The following CSMD1 variants were observed in gnomAD, a reference collection of about 807,000 sequenced individuals.
CSMD1 encodes CUB and Sushi multiple domains 1.
In CSMD1, 213 loss-of-function variants were observed where a neutral mutation model predicts 417.5. The ratio of observed to expected loss-of-function variants is 0.51; its 90% CI spans 0.46 to 0.57. The LOEUF (loss-of-function observed/expected upper bound fraction) is 0.57, where lower values mean the gene tolerates loss of function less well. Among genes scored for constraint, CSMD1 ranks in the 20% least tolerant of loss-of-function variants. CSMD1 has a pLI of 0.00. For missense variants in CSMD1, 6,923 were observed against 4,529.7 expected (o/e 1.53, Z -15.17); for synonymous variants, 2,862 against 1,736.8 (o/e 1.65, Z -16.11).
intron 5 of CSMD1, among the ~76,000 whole-genome samples, chr8:3,972,572 G>A (rs1255227693): frequency 1.3e-5 from 2 of 152,140 alleles, no homozygotes; most frequent in Admixed American, 6.5e-5. Context: ...GGCCTCTTAT[G>A]CTATTCATCT....
At chr8:4,820,727 A>G (rs1799475820) in intron 1 of CSMD1, among the ~76,000 whole-genome samples, 1 of 152,164 alleles carries the variant, frequency 6.6e-6, no homozygotes, top group African/African-American at 2.4e-5. Context: ...ACTAATAAGG[A>G]TCTAACTTTG....
At chr8:4,107,903 T>C (rs1801649447) in intron 3 of CSMD1, among the ~76,000 whole-genome samples, 1 of 152,078 alleles carries the variant, frequency 6.6e-6, no homozygotes, top group African/African-American at 2.4e-5. Flanking sequence ...AAATACAAAC[T>C]GAAACAAATA....
intron 6 of CSMD1, among the ~76,000 whole-genome samples, chr8:3,743,007 C>T (rs931354827): frequency 1.3e-5 from 2 of 152,206 alleles, no homozygotes; most frequent in Admixed American, 6.5e-5. Flanking sequence ...CCACGCCACC[C>T]TTGGAACATA....
At chr8:4,250,817 G>C (rs1325800302) in intron 3 of CSMD1, among the ~76,000 whole-genome samples, 1 of 152,132 alleles carries the variant, frequency 6.6e-6, no homozygotes, top group African/African-American at 2.4e-5. Flanking sequence ...TAATTGTACT[G>C]GTTGAAATGT....
intron 3 of CSMD1, among the ~76,000 whole-genome samples, chr8:4,246,854 C>T (rs1802744889): frequency 6.6e-6 from 1 of 152,130 alleles, no homozygotes; most frequent in Non-Finnish European, 1.5e-5. Flanking sequence ...GAGCTGAACA[C>T]TCAAATAATC....
At chr8:4,882,622 AT>A (rs1803486607) in intron 1 of CSMD1, among the ~76,000 whole-genome samples, 1 of 151,904 alleles carries the variant, frequency 6.6e-6, no homozygotes, top group Non-Finnish European at 1.5e-5. Flanking sequence ...GTATTCAACT[AT>A]CCACCGGGTT....
intron 2 of CSMD1, among the ~76,000 whole-genome samples, chr8:4,532,018 A>C (rs1796843640): frequency 6.7e-6 from 1 of 149,244 alleles, no homozygotes; most frequent in South Asian, 2.2e-4. Context: ...GTCACTCCGG[A>C]AGAGAAATCC....
At chr8:4,058,955 A>G (rs1181286945) in intron 3 of CSMD1, among the ~76,000 whole-genome samples, 1 of 152,050 alleles carries the variant, frequency 6.6e-6, no homozygotes, top group African/African-American at 2.4e-5. Flanking sequence ...ACAGACATCT[A>G]CAGAACTCTC....
intron 5 of CSMD1, among the ~76,000 whole-genome samples, chr8:3,913,372 CA>C (rs1327116834): frequency 1.2e-4 from 18 of 152,004 alleles, no homozygotes; most frequent in Admixed American, 7.2e-4. Context: ...GCAACAAGCA[CA>C]AAGGGAAATG....
At chr8:4,908,240 C>T (rs1168604140) in intron 1 of CSMD1, among the ~76,000 whole-genome samples, 1 of 152,160 alleles carries the variant, frequency 6.6e-6, no homozygotes, top group Non-Finnish European at 1.5e-5. Context: ...TTTATACTTG[C>T]TATTCTGTAG....
intron 1 of CSMD1, among the ~76,000 whole-genome samples, chr8:4,879,686 G>T (rs961257136): frequency 2.0e-5 from 3 of 151,850 alleles, no homozygotes; most frequent in African/African-American, 7.3e-5. Flanking sequence ...AGGAGAATCG[G>T]GAGAGGTGGA....
At chr8:3,787,963 A>G (rs984753174) in intron 5 of CSMD1, among the ~76,000 whole-genome samples, 4 of 152,184 alleles carry the variant, frequency 2.6e-5, no homozygotes, top group Non-Finnish European at 2.9e-5. Flanking sequence ...ATGGGCTCCT[A>G]ATGCTCTTGA....
At chr8:4,121,216 G>C (rs149759909) in intron 3 of CSMD1, among the ~76,000 whole-genome samples, 1 of 152,134 alleles carries the variant, frequency 6.6e-6, no homozygotes. Context: ...TCGGGTTCAA[G>C]CAATTCTCCT....
chr8:3,865,958 A>G (rs527575105), intron 5 of CSMD1, among the ~76,000 whole-genome samples: 19 of 152,320 alleles, frequency 1.2e-4, no homozygotes, highest in Non-Finnish European at 1.8e-4. Context: ...GAATGTAATT[A>G]AAATAATGAA....
intron 3 of CSMD1, among the ~76,000 whole-genome samples, chr8:4,322,934 T>G (rs955535998): frequency 2.6e-5 from 4 of 152,092 alleles, no homozygotes; most frequent in Non-Finnish European, 4.4e-5. Flanking sequence ...GCAGTGAGCC[T>G]AGATCGTGCC....
At chr8:4,992,350 G>A (rs1811514691) in intron 1 of CSMD1, among the ~76,000 whole-genome samples, 1 of 152,260 alleles carries the variant, frequency 6.6e-6, no homozygotes, top group South Asian at 2.1e-4. Context: ...TCTCCACGCA[G>A]CAACCTCTGC....
intron 26 of CSMD1, among the ~76,000 whole-genome samples, chr8:3,272,942 G>A (rs1801976629): frequency 6.7e-6 from 1 of 149,106 alleles, no homozygotes; most frequent in Admixed American, 6.7e-5. Flanking sequence ...CTGCCTAATT[G>A]CCCTGGCCAG....
chr8:4,365,214 A>G (rs2128909524), intron 3 of CSMD1, among the ~76,000 whole-genome samples: 1 of 152,326 alleles, frequency 6.6e-6, no homozygotes, highest in Admixed American at 6.5e-5. Context: ...CTATATATAA[A>G]AAAAGAGTTT....
chr8:3,768,882 G>C (rs6990267), intron 5 of CSMD1, among the ~76,000 whole-genome samples: 17,791 of 152,228 alleles, frequency 0.12, 1,059 homozygotes, highest in Non-Finnish European at 0.12. Context: ...CCATCCTAGA[G>C]CACCACTTCT....
Sources: gnomAD v4.1 joint callset for allele counts (sites outside exome capture counted in the v4.1 genomes callset) on GRCh38, gnomAD v4.1.1 for gene constraint, MANE v1.5 for transcripts, NCBI Gene and HGNC (gene_info 2026-07-23, HGNC 2026-07-21) for gene names.